Variants in FAM163B observed in about 807,000 individuals in gnomAD.
FAM163B encodes the protein family with sequence similarity 163 member B.
Under a neutral mutation model 7.6 loss-of-function variants are expected in FAM163B, and 4 were observed. That is an observed-to-expected ratio of 0.52 (90% confidence interval 0.26 to 1.20). FAM163B has a LOEUF of 1.20. Among genes scored for constraint, FAM163B ranks in the 50% most tolerant of loss-of-function variants. The pLI, the probability that FAM163B is intolerant of heterozygous loss-of-function variation, is 0.14. For missense variants in FAM163B, 250 were observed against 243.0 expected (o/e 1.03, Z -0.19); for synonymous variants, 120 against 111.6 (o/e 1.07, Z -0.47).
intron 1 of FAM163B, among the ~76,000 whole-genome samples, chr9:133,583,449 C>T (rs918008263): frequency 6.6e-6 from 1 of 152,170 alleles, no homozygotes; most frequent in African/African-American, 2.4e-5. Context: ...CAAGAATGGG[C>T]CTTCAGTGCC....
intron 1 of FAM163B, among the ~76,000 whole-genome samples, chr9:133,581,689 G>A (rs1163639304): frequency 6.6e-6 from 1 of 152,182 alleles, no homozygotes; most frequent in African/African-American, 2.4e-5. Flanking sequence ...GAATTTTCCA[G>A]GCACTGGAGC....
intron 1 of FAM163B, among the ~76,000 whole-genome samples, chr9:133,608,317 G>A (rs865928546): frequency 6.6e-6 from 1 of 152,340 alleles, no homozygotes; most frequent in Non-Finnish European, 1.5e-5. Context: ...CAGGCAGTCC[G>A]TGGCTGCGGG....
intron 1 of FAM163B, among the ~76,000 whole-genome samples, chr9:133,605,594 G>C (rs958259304): frequency 6.6e-6 from 1 of 152,224 alleles, no homozygotes; most frequent in Non-Finnish European, 1.5e-5. Flanking sequence ...GCTCCCCGAG[G>C]GCTGAGAGCG....
At chr9:133,593,564 G>T (rs1353027094) in intron 1 of FAM163B, among the ~76,000 whole-genome samples, 1 of 152,340 alleles carries the variant, frequency 6.6e-6, no homozygotes, top group African/African-American at 2.4e-5. Context: ...ATCTGCCTGG[G>T]AGTCAGAAAG....
intron 1 of FAM163B, among the ~76,000 whole-genome samples, chr9:133,607,904 C>T (rs369426808): frequency 2.6e-5 from 4 of 152,194 alleles, no homozygotes; most frequent in Non-Finnish European, 5.9e-5. Flanking sequence ...CCTTGCCCAG[C>T]CCAGGAAGTG....
chr9:133,599,596 G>T (rs958080410), intron 1 of FAM163B, among the ~76,000 whole-genome samples: 1 of 151,838 alleles, frequency 6.6e-6, no homozygotes, highest in Non-Finnish European at 1.5e-5. Context: ...GTGTGCATGT[G>T]TGAATGTGTG....
At chr9:133,605,553 C>T (rs562201468) in intron 1 of FAM163B, among the ~76,000 whole-genome samples, 7 of 152,300 alleles carry the variant, frequency 4.6e-5, no homozygotes, top group Admixed American at 2.0e-4. Context: ...TAGCTCGGTC[C>T]GGCAGGGACC....
At chr9:133,593,499 C>T (rs1220104029) in intron 1 of FAM163B, among the ~76,000 whole-genome samples, 1 of 152,164 alleles carries the variant, frequency 6.6e-6, no homozygotes, top group Non-Finnish European at 1.5e-5. Flanking sequence ...TGTGCTTATA[C>T]CTGTTGCTAT....
chr9:133,594,066 A>G (rs534039785), intron 1 of FAM163B, among the ~76,000 whole-genome samples: 102 of 152,306 alleles, frequency 6.7e-4, no homozygotes, highest in South Asian at 4.8e-3. Flanking sequence ...TAGGACTTCA[A>G]TTATGTTTTA....
At chr9:133,594,582 C>CAA (rs373200624) in intron 1 of FAM163B, among the ~76,000 whole-genome samples, 24 of 152,278 alleles carry the variant, frequency 1.6e-4, no homozygotes, top group African/African-American at 5.5e-4. Context: ...ACATGTTTGG[C>CAA]ATTTATAGTT....
intron 1 of FAM163B, among the ~76,000 whole-genome samples, chr9:133,605,778 G>A (rs1326062228): frequency 6.6e-6 from 1 of 152,172 alleles, no homozygotes; most frequent in Non-Finnish European, 1.5e-5. Context: ...TGGTATAGGA[G>A]TGACATTTGG....
chr9:133,593,451 C>T (rs769374014), intron 1 of FAM163B, among the ~76,000 whole-genome samples: 45 of 150,774 alleles, frequency 3.0e-4, no homozygotes, highest in Non-Finnish European at 2.5e-4. Flanking sequence ...AGGTCATACA[C>T]CTGCTCCCAG....
intron 1 of FAM163B, chr9:133,585,904 A>T (rs1326038570): frequency 6.6e-6 from 1 of 152,172 alleles, no homozygotes; most frequent in Non-Finnish European, 1.5e-5. Context: ...CGTCTCGTCG[A>T]GGGCTTATGG....
chr9:133,598,735 A>G (rs12380304), intron 1 of FAM163B, among the ~76,000 whole-genome samples: 119,180 of 152,068 alleles, frequency 0.78, 47,482 homozygotes, highest in African/African-American at 0.93. Context: ...ATATCTCCCC[A>G]GAGAGAGCAG....
At chr9:133,594,274 C>T (rs1219194528) in intron 1 of FAM163B, among the ~76,000 whole-genome samples, 1 of 152,182 alleles carries the variant, frequency 6.6e-6, no homozygotes, top group Non-Finnish European at 1.5e-5. Context: ...CATCTGATGT[C>T]CTGGGTCCTC....
chr9:133,605,694 CGG>C (rs1169258374), intron 1 of FAM163B, among the ~76,000 whole-genome samples: 8 of 152,184 alleles, frequency 5.3e-5, no homozygotes, highest in African/African-American at 1.9e-4. Context: ...CCCAGGGCCC[CGG>C]GGCCGCAACC....
intron 1 of FAM163B, among the ~76,000 whole-genome samples, chr9:133,599,586 G>A (rs570119841): frequency 3.3e-5 from 5 of 151,626 alleles, no homozygotes; most frequent in Non-Finnish European, 4.4e-5. Flanking sequence ...GTATGTGTCC[G>A]TGTGCATGTG....
chr9:133,591,686 G>A (rs529943515), intron 1 of FAM163B, among the ~76,000 whole-genome samples: 2 of 152,198 alleles, frequency 1.3e-5, no homozygotes, highest in Non-Finnish European at 2.9e-5. Flanking sequence ...CTGATGCAGC[G>A]GGCGCGGGGA....
intron 1 of FAM163B, among the ~76,000 whole-genome samples, chr9:133,599,831 G>A (rs1352525003): frequency 6.6e-6 from 1 of 151,292 alleles, no homozygotes; most frequent in African/African-American, 2.4e-5. Context: ...GCATGAATGT[G>A]TGTCTGTGTA....
Sources: allele counts gnomAD v4.1 joint callset (sites outside exome capture counted in the v4.1 genomes callset), GRCh38; gene constraint gnomAD v4.1.1; transcripts MANE v1.5; gene names NCBI Gene and HGNC (gene_info 2026-07-23, HGNC 2026-07-21).